MSRA: variants seen among roughly 807,000 people sequenced by gnomAD.
MSRA encodes mitochondrial peptide methionine sulfoxide reductase.
A neutral mutation model predicts 31.3 loss-of-function variants in MSRA; 54 were observed. The ratio of observed to expected loss-of-function variants is 1.73; its 90% CI spans 1.39 to 2.17. The LOEUF is 2.17. Among genes scored for constraint, MSRA ranks in the 30% most tolerant of loss-of-function variants. The probability of loss-of-function intolerance (pLI) is 0.00; values close to 1 mark genes in which losing one functional copy is unlikely to be tolerated. For missense variants in MSRA, 507 were observed against 300.9 expected (o/e 1.69, Z -5.07); for synonymous variants, 169 against 116.5 (o/e 1.45, Z -2.90).
chr8:10,415,003 G>T (rs1808371040), intron 5 of MSRA, among the ~76,000 whole-genome samples: 1 of 152,174 alleles, frequency 6.6e-6, no homozygotes, highest in African/African-American at 2.4e-5. Context: ...TTAAAAGCCA[G>T]CAGACCTCAA....
intron 1 of MSRA, among the ~76,000 whole-genome samples, chr8:10,195,712 C>T (rs1394769697): frequency 6.6e-6 from 1 of 152,180 alleles, no homozygotes; most frequent in Non-Finnish European, 1.5e-5. Context: ...TTCCTCTTTT[C>T]TTCTTAAAGT....
intron 5 of MSRA, among the ~76,000 whole-genome samples, chr8:10,397,401 A>G (rs928651864): frequency 6.6e-6 from 1 of 152,212 alleles, no homozygotes; most frequent in Non-Finnish European, 1.5e-5. Flanking sequence ...GTTATCCTGC[A>G]GGGAGTTCAT....
chr8:10,309,581 A>C (rs1267137211), intron 4 of MSRA, among the ~76,000 whole-genome samples: 1 of 152,148 alleles, frequency 6.6e-6, no homozygotes, highest in African/African-American at 2.4e-5. Flanking sequence ...CACCTGCAGC[A>C]CAGCTCCCAG....
chr8:10,403,421 C>A (rs566023643), intron 5 of MSRA, among the ~76,000 whole-genome samples: 1 of 152,306 alleles, frequency 6.6e-6, no homozygotes, highest in South Asian at 2.1e-4. Flanking sequence ...ATGATGGGAT[C>A]CCTTCTCCAG....
At chr8:10,372,858 G>A (rs767193020) in intron 5 of MSRA, among the ~76,000 whole-genome samples, 58 of 152,210 alleles carry the variant, frequency 3.8e-4, no homozygotes, top group Non-Finnish European at 7.1e-4. Context: ...AGGCTTAAGC[G>A]TGTGCTAAGC....
intron 1 of MSRA, among the ~76,000 whole-genome samples, chr8:10,180,393 C>A (rs1297194247): frequency 6.6e-6 from 1 of 152,176 alleles, no homozygotes; most frequent in East Asian, 1.9e-4. Context: ...AACCTGGAAG[C>A]TCTAGGAACC....
chr8:10,299,702 A>G (rs764058556), intron 3 of MSRA, among the ~76,000 whole-genome samples: 22 of 152,204 alleles, frequency 1.4e-4, no homozygotes, highest in African/African-American at 4.3e-4. Flanking sequence ...ATAGAATCCT[A>G]TCTTCCAGCT....
intron 1 of MSRA, among the ~76,000 whole-genome samples, chr8:10,123,702 A>G (rs1001356013): frequency 4.6e-5 from 7 of 152,118 alleles, no homozygotes; most frequent in African/African-American, 1.4e-4. Flanking sequence ...TCCAGTTTCA[A>G]TCTTCTGCAT....
At chr8:10,259,364 C>T (rs898512198) in intron 3 of MSRA, among the ~76,000 whole-genome samples, 1 of 152,082 alleles carries the variant, frequency 6.6e-6, no homozygotes, top group Non-Finnish European at 1.5e-5. Context: ...GCCTATAAAA[C>T]AGAATGCAGT....
intron 5 of MSRA, among the ~76,000 whole-genome samples, chr8:10,415,238 G>C (rs1808386644): frequency 6.6e-6 from 1 of 152,226 alleles, no homozygotes; most frequent in African/African-American, 2.4e-5. Context: ...GTGCGGTAGA[G>C]AAGGAAGGAC....
intron 5 of MSRA, among the ~76,000 whole-genome samples, chr8:10,349,023 C>A (rs1803963601): frequency 6.6e-6 from 1 of 152,062 alleles, no homozygotes; most frequent in Non-Finnish European, 1.5e-5. Context: ...GTGTAGAACA[C>A]CAGCCTAAGA....
chr8:10,378,779 A>C (rs540504749), intron 5 of MSRA, among the ~76,000 whole-genome samples: 7 of 152,376 alleles, frequency 4.6e-5, no homozygotes, highest in African/African-American at 1.7e-4. Context: ...GGTGAGGCCC[A>C]GTAATTCATG....
At chr8:10,147,119 T>C (rs898115606) in intron 1 of MSRA, among the ~76,000 whole-genome samples, 2 of 152,086 alleles carry the variant, frequency 1.3e-5, no homozygotes, top group African/African-American at 4.8e-5. Context: ...GAGCAGAATG[T>C]CAGCAGGGCC....
chr8:10,055,487 C>T (rs1802301521), intron 1 of MSRA, among the ~76,000 whole-genome samples: 1 of 152,196 alleles, frequency 6.6e-6, no homozygotes, highest in South Asian at 2.1e-4. Context: ...TCAGAGTGCC[C>T]CCACCTGCCG....
intron 3 of MSRA, 27 bp from the exon 4 acceptor site, chr8:10,301,507 T>G (rs1800842065): frequency 6.4e-7 from 1 of 1,573,592 alleles, no homozygotes; most frequent in Non-Finnish European, 8.7e-7. Context: ...TCAGTAAATT[T>G]CGGTTGTACG....
intron 5 of MSRA, among the ~76,000 whole-genome samples, chr8:10,380,081 T>TG (rs1805977649): frequency 6.6e-6 from 1 of 152,220 alleles, no homozygotes; most frequent in African/African-American, 2.4e-5. Flanking sequence ...ATCTTGTTCT[T>TG]GGTTTATGTC....
chr8:10,338,587 C>A (rs562668202), intron 5 of MSRA, among the ~76,000 whole-genome samples: 1 of 152,182 alleles, frequency 6.6e-6, no homozygotes, highest in Non-Finnish European at 1.5e-5. Flanking sequence ...ATTAAAACAT[C>A]ATGCACTCCA....
intron 5 of MSRA, among the ~76,000 whole-genome samples, chr8:10,383,093 C>T (rs1369090530): frequency 1.3e-5 from 2 of 152,206 alleles, no homozygotes; most frequent in African/African-American, 4.8e-5. Context: ...CTTGGGTAAA[C>T]ATCTGAGGCT....
At chr8:10,169,917 CT>C (rs71538069) in intron 1 of MSRA, among the ~76,000 whole-genome samples, 83 of 131,910 alleles carry the variant, frequency 6.3e-4, no homozygotes, top group Middle Eastern at 7.9e-3. Context: ...TTCTTTCTTT[CT>C]TTTTTTTTTT....
Sources: allele counts gnomAD v4.1 joint callset (sites outside exome capture counted in the v4.1 genomes callset), GRCh38; gene constraint gnomAD v4.1.1; transcripts MANE v1.5; gene names NCBI Gene and HGNC (gene_info 2026-07-23, HGNC 2026-07-21).